DCAF6: variants seen among roughly 807,000 people sequenced by gnomAD.
The protein encoded by DCAF6 is DDB1 and CUL4 associated factor 6, also known as DDB1- and CUL4-associated factor 6.
In DCAF6, 54 loss-of-function variants were observed where a neutral mutation model predicts 125.1. The observed-to-expected ratio is 0.43, with a 90% CI of 0.35 to 0.54. The LOEUF is 0.54. DCAF6 is among the 20% of genes least tolerant of loss of function. DCAF6 has a pLI of 0.01. For synonymous variants in DCAF6, 371 were observed against 390.4 expected, an observed-to-expected ratio of 0.95 and a Z score of 0.58; for missense variants, 934 against 1,161.7, an observed-to-expected ratio of 0.80 and a Z score of 2.85.
At chr1:168,051,291 C>A (rs915175410) in intron 17 of DCAF6, among the ~76,000 whole-genome samples, 12 of 152,168 alleles carry the variant, frequency 7.9e-5, no homozygotes, top group Non-Finnish European at 1.3e-4. Context: ...ATAACAATTA[C>A]CAACTTTTTG....
chr1:168,042,956 A>G (rs953616773), intron 13 of DCAF6, 69 bp from the exon 14 acceptor site: 20 of 1,176,632 alleles, frequency 1.7e-5, no homozygotes, highest in Non-Finnish European at 2.3e-5. Flanking sequence ...TAGTTGTAAA[A>G]TATAAAAATC....
the DCAF6 span, among the ~76,000 whole-genome samples, chr1:167,925,530 TTTG>T: frequency 8.2e-4 from 120 of 145,552 alleles, 1 homozygote; most frequent in South Asian, 0.022. Context: ...GTTTTTTTTT[TTTG>T]GTTTTTTTTT....
chr1:168,050,223 T>G (rs1689741699), intron 16 of DCAF6, among the ~76,000 whole-genome samples: 1 of 152,162 alleles, frequency 6.6e-6, no homozygotes, highest in Admixed American at 6.5e-5. Context: ...AAAGTGTTAT[T>G]TTCATAGAAA....
chr1:167,901,920 C>CT, the DCAF6 span: 1 of 1,605,658 alleles, frequency 6.2e-7, no homozygotes, highest in African/African-American at 1.3e-5. Flanking sequence ...CTCCTGGCCA[C>CT]TCCCTTCTCT....
chr1:167,888,545 A>G, the DCAF6 span, among the ~76,000 whole-genome samples: 122 of 151,846 alleles, frequency 8.0e-4, no homozygotes, highest in Non-Finnish European at 1.6e-3. Context: ...TACTTTCTTG[A>G]TTTCTTTTTC....
rs114922140 is a variant in DCAF6 at position 168,005,146 on chromosome 1, G to A, written c.1378+353G>A. ...TATTTGGTTTTATGTCTATATTAAA[G>A]TGATTATGAAAATATCAGTATTAGT... On this transcript the variant is annotated intron_variant, in intron 10 of 21. Transcript: ENST00000367840. Among the ~76,000 whole-genome samples, 758 of 152,120 alleles carry A rather than the reference G, an allele frequency of 5.0e-3. 5 individuals carry two copies. Among genetic ancestry groups the A allele is most frequent in the African/African-American group, 0.017 (711 of 41,528 alleles).
chr1:167,870,402 T>A, the DCAF6 span: 1 of 1,608,200 alleles, frequency 6.2e-7, no homozygotes, highest in South Asian at 1.1e-5. Context: ...TTGATCTCTT[T>A]ATTACGTCCT....
chr1:168,010,769 T>A (rs1684170266), intron 10 of DCAF6, among the ~76,000 whole-genome samples: 2 of 152,106 alleles, frequency 1.3e-5, no homozygotes, highest in South Asian at 4.1e-4. Context: ...GAATATTTTC[T>A]TCTCAGTAAG....
At chr1:167,937,116 C>T (rs1432473113) in intron 1 of DCAF6, 108 bp downstream of exon 1, 2 of 925,736 alleles carry the variant, frequency 2.2e-6, no homozygotes, top group East Asian at 2.7e-5. Context: ...TGGGGGCGCC[C>T]GGAGACTCTG....
chr1:168,003,725 T>C (rs139143256), intron 8 of DCAF6, 145 bp from the exon 9 acceptor site: 2 of 652,338 alleles, frequency 3.1e-6, no homozygotes, highest in African/African-American at 3.7e-5. Context: ...CTCTAATAGA[T>C]TTATATACAT....
chr1:167,954,677 C>T (rs1419502099), intron 2 of DCAF6, among the ~76,000 whole-genome samples: 1 of 151,906 alleles, frequency 6.6e-6, no homozygotes, highest in Admixed American at 6.6e-5. Context: ...TGGTCTCGAT[C>T]TCCTGACCTC....
At chr1:168,069,410 G>T (rs2102003282) in intron 21 of DCAF6, among the ~76,000 whole-genome samples, 1 of 152,244 alleles carries the variant, frequency 6.6e-6, no homozygotes, top group East Asian at 1.9e-4. Context: ...GATTTTTGGG[G>T]ATACACCAAA....
rs76002838 is a variant in DCAF6 at position 168,029,602 on chromosome 1, T to G, written c.1609+6555T>G. Among the ~76,000 whole-genome samples the G allele has an allele frequency of 3.7e-3, 566 of 152,344 alleles. 1 individual carries two copies. The highest frequency in any genetic ancestry group is 0.013 in the African/African-American group (532 of 41,572). On this transcript the variant is annotated intron_variant, in intron 12 of 21. Coordinates refer to ENST00000367840, the MANE Select transcript of DCAF6 (RefSeq NM_001198956.2). Reference sequence around the variant, plus strand: ...AGCAATTTTTTATATGTTAATTTACTTAATCCTTACCACAACCATATGTAG... The same window carrying G: ...AGCAATTTTTTATATGTTAATTTACGTAATCCTTACCACAACCATATGTAG...
chr1:167,870,638 C>CAAAAAA, the DCAF6 span, among the ~76,000 whole-genome samples: 1 of 93,782 alleles, frequency 1.1e-5, no homozygotes, highest in Non-Finnish European at 2.0e-5. Context: ...ACTGAAAATA[C>CAAAAAA]AAAAAAAAAA....
At chr1:167,910,386 A>C in the DCAF6 span, among the ~76,000 whole-genome samples, 1 of 152,272 alleles carries the variant, frequency 6.6e-6, no homozygotes, top group South Asian at 2.1e-4. Context: ...ACTGGAAATA[A>C]GTCAGAAAAT....
chr1:167,962,018 T>TA (rs1233641225), intron 2 of DCAF6, among the ~76,000 whole-genome samples: 1 of 152,228 alleles, frequency 6.6e-6, no homozygotes. Context: ...ATCTTTCTGT[T>TA]ACTGATTTTA....
intron 1 of DCAF6, among the ~76,000 whole-genome samples, chr1:167,942,667 C>T (rs994119010): frequency 1.3e-5 from 2 of 151,876 alleles, no homozygotes; most frequent in African/African-American, 4.8e-5. Context: ...TATCTTTTTA[C>T]CTCTTACATT....
intron 21 of DCAF6, among the ~76,000 whole-genome samples, chr1:168,068,766 A>C (rs1224991863): frequency 3.9e-5 from 6 of 152,160 alleles, no homozygotes; most frequent in Admixed American, 6.6e-5. Flanking sequence ...CTTTAATGGT[A>C]GGTTTGTTGA....
chr1:167,989,129 G>GT (rs1042121010), intron 5 of DCAF6, among the ~76,000 whole-genome samples: 3 of 152,018 alleles, frequency 2.0e-5, no homozygotes, highest in East Asian at 1.9e-4. Context: ...AGTTTAATCA[G>GT]TTTTTTTGTT....
Sources: gnomAD v4.1 joint callset for allele counts (sites outside exome capture counted in the v4.1 genomes callset) on GRCh38, gnomAD v4.1.1 for gene constraint, MANE v1.5 for transcripts, NCBI Gene and HGNC (gene_info 2026-07-23, HGNC 2026-07-21) for gene names.